The following AGGF1 variants were observed in gnomAD, a reference collection of about 807,000 sequenced individuals.
AGGF1 encodes angiogenic factor with G-patch and FHA domains 1, also known as angiogenic factor with G patch and FHA domains 1.
In AGGF1, 56 loss-of-function variants were observed where a neutral mutation model predicts 86.5. That is an observed-to-expected ratio of 0.65 (90% CI 0.52 to 0.81). The LOEUF (loss-of-function observed/expected upper bound fraction) is 0.81, where lower values mean the gene tolerates loss of function less well. AGGF1 is among the 30% of genes least tolerant of loss of function. The pLI, the probability that AGGF1 is intolerant of heterozygous loss-of-function variation, is 0.00. For missense variants in AGGF1, 816 were observed against 850.9 expected (o/e 0.96, Z 0.51); for synonymous variants, 313 against 297.1 (o/e 1.05, Z -0.55).
At position 77,030,880 on chromosome 5, in the gene AGGF1, C is replaced by T. The variant is rs1746834027; in HGVS notation, c.114C>T (p.Ser38=). The T allele has an allele frequency of 3.1e-6, 5 of 1,613,382 alleles. No individual in the cohort carries two copies. In the Admixed American group the frequency reaches 6.7e-5, roughly 22 times the overall value. The change falls in exon 1 of 14, where the codon AGC becomes AGT. Residue 38 remains serine (S), a synonymous_variant. Coordinates refer to ENST00000312916, the MANE Select transcript of AGGF1 (RefSeq NM_018046.5). ...AGAAGTTGGAACGTGAACTGCGGAG[C>T]TGCAAGCGGCAGGTGCGGGAGATCG... ...KVEKLERELR[S]CKRQVREIEK...
At chr5:77,038,148 A>G (rs966014156) in intron 4 of AGGF1, among the ~76,000 whole-genome samples, 5 of 152,342 alleles carry the variant, frequency 3.3e-5, no homozygotes, top group Non-Finnish European at 7.4e-5. Context: ...TAGTTTGTCA[A>G]TCTGCATATG....
At chr5:77,060,688 G>A (rs1042844927) in intron 12 of AGGF1, among the ~76,000 whole-genome samples, 3 of 151,950 alleles carry the variant, frequency 2.0e-5, no homozygotes, top group African/African-American at 7.2e-5. Context: ...AGAGTTTTAT[G>A]GTTACAAATG....
intron 5 of AGGF1, among the ~76,000 whole-genome samples, chr5:77,041,805 A>T (rs866855014): frequency 0.068 from 5,108 of 74,750 alleles, 223 homozygotes; most frequent in African/African-American, 0.15. Flanking sequence ...TTATTTATTT[A>T]TTTATTTATT....
intron 6 of AGGF1, among the ~76,000 whole-genome samples, chr5:77,047,113 T>C (rs1241215379): frequency 6.6e-6 from 1 of 152,230 alleles, no homozygotes; most frequent in African/African-American, 2.4e-5. Context: ...AGACATACTT[T>C]TAAAACACAG....
intron 5 of AGGF1, among the ~76,000 whole-genome samples, chr5:77,043,419 C>A: frequency 1.3e-5 from 1 of 77,842 alleles, no homozygotes; most frequent in African/African-American, 4.8e-5. Flanking sequence ...CTCCTCACTT[C>A]CCAGTAGGGG....
chr5:77,031,664 C>T (rs1185881335), intron 1 of AGGF1, among the ~76,000 whole-genome samples: 1 of 152,140 alleles, frequency 6.6e-6, no homozygotes, highest in African/African-American at 2.4e-5. Context: ...GAGGCCGAGG[C>T]GGGCAGATCA....
At chr5:77,042,819 C>CA (rs1281468806) in intron 5 of AGGF1, among the ~76,000 whole-genome samples, 3 of 68,610 alleles carry the variant, frequency 4.4e-5, no homozygotes, top group African/African-American at 1.2e-4. Context: ...GGCTGACCCC[C>CA]CCACCTCCCT....
intron 12 of AGGF1, among the ~76,000 whole-genome samples, chr5:77,060,921 T>C (rs543645639): frequency 6.6e-6 from 1 of 152,280 alleles, no homozygotes; most frequent in African/African-American, 2.4e-5. Flanking sequence ...ACACATTGGT[T>C]TGACATTGCT....
At chr5:77,041,800 T>TAA (rs1461351162) in intron 5 of AGGF1, among the ~76,000 whole-genome samples, 4 of 103,878 alleles carry the variant, frequency 3.9e-5, no homozygotes, top group Non-Finnish European at 4.5e-5. Flanking sequence ...TTTATTTATT[T>TAA]ATTTATTTAT....
chr5:77,031,891 G>A (rs148538078), intron 1 of AGGF1, among the ~76,000 whole-genome samples: 2 of 152,036 alleles, frequency 1.3e-5, no homozygotes, highest in African/African-American at 4.8e-5. Context: ...GCGACAGAGT[G>A]CAACTCTGTC....
chr5:77,044,068 C>T lies in AGGF1; in HGVS notation c.871-2279C>T, dbSNP rs1281335942. Reference sequence around the variant, plus strand: ...CTCACTTCCTAGATGGGATGGCGGCCGGGCGGAGACGCTCCTCACTTTCCA... The same window carrying T: ...CTCACTTCCTAGATGGGATGGCGGCTGGGCGGAGACGCTCCTCACTTTCCA... On this transcript the variant is annotated intron_variant, in intron 5 of 13. Transcript: ENST00000312916. Among the ~76,000 whole-genome samples the T allele has an allele frequency of 9.8e-5, 13 of 132,950 alleles. 1 individual carries two copies. Among genetic ancestry groups the T allele is most frequent in the Middle Eastern group, 7.1e-3 (2 of 282 alleles). 87.2% of individuals were successfully genotyped at this position (132,950 alleles called of 152,430 possible).
At chr5:77,031,219 A>G (rs1438428293) in intron 1 of AGGF1, among the ~76,000 whole-genome samples, 1 of 152,232 alleles carries the variant, frequency 6.6e-6, no homozygotes, top group Non-Finnish European at 1.5e-5. Flanking sequence ...CTGTGGCTAC[A>G]TTGTCTTCAT....
chr5:77,049,337 G>A (rs1453736652), intron 8 of AGGF1, among the ~76,000 whole-genome samples: 6 of 152,094 alleles, frequency 3.9e-5, no homozygotes, highest in African/African-American at 1.2e-4. Flanking sequence ...TACTTTAGTA[G>A]GTGGTTACTT....
At chr5:77,053,909 A>T (rs1280087868) in intron 9 of AGGF1, 56 bp from the exon 10 acceptor site, 10 of 1,544,208 alleles carry the variant, frequency 6.5e-6, no homozygotes, top group South Asian at 2.2e-5. Flanking sequence ...CAGTAGATGT[A>T]AGGTAACCAT....
Position 77,054,027 on chromosome 5 carries a change from T to C in AGGF1, c.1530T>C (p.Thr510=). 6.2e-7 allele frequency: 1 copy of C among 1,614,190 alleles called. No homozygotes were observed. Among genetic ancestry groups the C allele is most frequent in the South Asian group, 1.1e-5 (1 of 91,086 alleles). The change falls in exon 10 of 14, where the codon ACT becomes ACC. Residue 510 remains threonine, a synonymous_variant. Transcript: ENST00000312916. ...EHGDEVKIGE[T]VLSFHIHPGS... ...GAGATGAAGTCAAAATTGGAGAAAC[T>C]GTCTTATCCTTTCACATTCATCCTG...
In AGGF1 at chr5:77,047,558, G is replaced by T. The variant is rs138343816; in HGVS notation, c.1202-603G>T. 4.5e-3 allele frequency among the ~76,000 whole-genome samples: 686 copies of T among 152,216 alleles called. 4 individuals are homozygous for T. The highest frequency in any genetic ancestry group is 0.015 in the African/African-American group (637 of 41,536). ...AGACAGAGCCTTGCTCTATTGCCCA[G>T]GCTGGAGTGCAGTGGCGCAGTCTCG... On this transcript the variant is annotated intron_variant, in intron 6 of 13. Transcript: ENST00000312916.
chr5:77,051,496 G>A (rs192288992), intron 8 of AGGF1, among the ~76,000 whole-genome samples: 139 of 151,562 alleles, frequency 9.2e-4, no homozygotes, highest in Non-Finnish European at 1.6e-3. Context: ...ACAATGATAA[G>A]GCAATTTCAC....
chr5:77,050,335 T>A lies in AGGF1; in HGVS notation c.1365+1348T>A, dbSNP rs867268725. ...TTTTTTTTTTTTTTTTTTTTTTTTT[T>A]ATAGAGACAGGGTCTTAACTGTGTT... On this transcript the variant is annotated intron_variant, in intron 8 of 13. Coordinates refer to ENST00000312916, the MANE Select transcript of AGGF1 (RefSeq NM_018046.5). Among the ~76,000 whole-genome samples, 284 of 79,882 alleles carry A rather than the reference T, an allele frequency of 3.6e-3. 3 individuals are homozygous for A. Among genetic ancestry groups the A allele is most frequent in the Middle Eastern group, 7.6e-3 (1 of 132 alleles). 52.4% of individuals were successfully genotyped at this position (79,882 alleles called of 152,430 possible).
chr5:77,038,211 A>C (rs1747000302), intron 4 of AGGF1, among the ~76,000 whole-genome samples: 1 of 152,240 alleles, frequency 6.6e-6, no homozygotes, highest in Non-Finnish European at 1.5e-5. Flanking sequence ...GGGGTTGCTA[A>C]TTGACAATGC....
Sources: gnomAD v4.1 joint callset for allele counts (sites outside exome capture counted in the v4.1 genomes callset) on GRCh38, gnomAD v4.1.1 for gene constraint, MANE v1.5 for transcripts, NCBI Gene and HGNC (gene_info 2026-07-23, HGNC 2026-07-21) for gene names.